The following ADGRL1 variants were observed in gnomAD, a reference collection of about 807,000 sequenced individuals.
ADGRL1 encodes the protein CIRL-1.
A neutral mutation model predicts 148.9 loss-of-function variants in ADGRL1; 31 were observed. The observed-to-expected ratio is 0.21, with a 90% CI of 0.16 to 0.28. The LOEUF is 0.28. Among genes scored for constraint, ADGRL1 ranks in the 10% least tolerant of loss-of-function variants. The pLI is 1.00. For missense variants in ADGRL1, 1,521 were observed against 2,058.8 expected (o/e 0.74, Z 5.05); for synonymous variants, 937 against 900.3 (o/e 1.04, Z -0.73).
rs1371491813 is a variant in ADGRL1, at chr19:14,161,716, C to A, written c.1196-90G>T. On this transcript the variant is annotated intron_variant, in intron 5 of 22. Transcript: ENST00000361434. The surrounding 1 kb of genome is among the most constrained non-coding windows in gnomAD (Gnocchi z 4.4). ...AGGGGGTCCCAGGCCATCTTAGCAT[C>A]TTCCTCATCTACTGAAGTGGAAACA... The A allele has an allele frequency of 4.3e-6, 4 of 922,646 alleles. No individual in the cohort carries two copies. The highest frequency in any genetic ancestry group is 3.8e-5 in the Admixed American group (1 of 26,298). 57.2% of individuals were successfully genotyped at this position (922,646 alleles called of 1,614,324 possible). A position where few individuals can be genotyped will look rare whatever the true frequency, so the allele number is the denominator to read the frequency against.
chr19:14,188,737 G>T (rs191409186), intron 1 of ADGRL1, among the ~76,000 whole-genome samples: 1 of 152,178 alleles, frequency 6.6e-6, no homozygotes, highest in African/African-American at 2.4e-5. Flanking sequence ...CTTTGCCTCC[G>T]ACGTCCAGGC....
chr19:14,157,590 C>T lies in ADGRL1; in HGVS notation c.2536-130G>A. ...AGGACCTCTGGTGCCGCCAACCTGG[C>T]AGCCCTCACCCCTCTGCACGCAGCA... On this transcript the variant is annotated intron_variant, in intron 13 of 22. Transcript: ENST00000361434. The surrounding 1 kb of genome is among the most constrained non-coding windows in gnomAD (Gnocchi z 7.5). The T allele has an allele frequency of 1.1e-6, 1 of 893,824 alleles. No homozygotes were observed. 55.4% of individuals were successfully genotyped at this position (893,824 alleles called of 1,614,324 possible). A position where few individuals can be genotyped will look rare whatever the true frequency, so the allele number is the denominator to read the frequency against.
chr19:14,197,936 C>T (rs191748627), intron 1 of ADGRL1, among the ~76,000 whole-genome samples: 96 of 152,260 alleles, frequency 6.3e-4, no homozygotes, highest in African/African-American at 2.2e-3. Context: ...GGAAGGTGTG[C>T]TTGACAGGGG....
At position 14,158,625 on chromosome 19, in the gene ADGRL1, C is replaced by G. The variant is rs1969015570; in HGVS notation, c.2150-73G>C. 4 of 1,205,340 alleles carry G rather than the reference C, an allele frequency of 3.3e-6. No individual in the cohort carries two copies. In the South Asian group the frequency reaches 5.3e-5, roughly 16 times the overall value. 74.7% of individuals were successfully genotyped at this position (1,205,340 alleles called of 1,614,324 possible). A position where few individuals can be genotyped will look rare whatever the true frequency, so the allele number is the denominator to read the frequency against. ...CACCTCCATCCAGGCCCCTGGCTTC[C>G]CAGCTCAGCCAGCTCCTCAGCCCTT... On this transcript the variant is annotated intron_variant, in intron 11 of 22. Transcript: ENST00000361434.
In ADGRL1 at chr19:14,161,589, TGTG is replaced by T. The variant is rs778754423; in HGVS notation, c.1230_1232del (p.Thr411del). ...TGCTGGTGAGGGGCGTGGGCCTGGC[TGTG>T]GTGGTCGTGCTGAGGGGTGGGGAAG... On this transcript the variant is annotated inframe_deletion, in exon 6 of 23. Transcript: ENST00000361434. This position sits in a 1 kb window ranked among gnomAD's most constrained non-coding sequence, Gnocchi z 4.4. 26 of 1,433,204 alleles carry T rather than the reference TGTG, an allele frequency of 1.8e-5. No homozygotes were observed. Among genetic ancestry groups the T allele is most frequent in the Non-Finnish European group, 2.2e-5 (24 of 1,097,032 alleles). 88.8% of individuals were successfully genotyped at this position (1,433,204 alleles called of 1,614,324 possible).
Position 14,160,140 on chromosome 19 carries a change from C to T in ADGRL1, c.1772G>A (p.Arg591His), listed in dbSNP as rs1202804312. The change falls in exon 8 of 23, where the codon CGC becomes CAC. Residue 591 changes from arginine to histidine, a missense_variant. Transcript: ENST00000361434. This position sits in a 1 kb window ranked among gnomAD's most constrained non-coding sequence, Gnocchi z 5.9. ...GTTGTAGTTCTTGCCGGCTGACTCG[C>T]GCTCGATGGGCCGCAGGGCCTGCAG... ...AQLQALRPIERESAGKNYNKM... is the reference protein window; with the variant it reads ...AQLQALRPIEHESAGKNYNKM... 9 of 1,589,224 alleles carry T rather than the reference C, an allele frequency of 5.7e-6. No individual in the cohort carries two copies. The highest frequency in any genetic ancestry group is 4.4e-5 in the South Asian group (4 of 90,476).
chr19:14,166,097 C>T (rs977476215), intron 4 of ADGRL1, among the ~76,000 whole-genome samples: 1 of 152,042 alleles, frequency 6.6e-6, no homozygotes, highest in Non-Finnish European at 1.5e-5. Context: ...AGACTGTGCC[C>T]CCGCCGCCCG....
At chr19:14,177,023 AGTTCG>A (rs1599469237) in intron 3 of ADGRL1, among the ~76,000 whole-genome samples, 1 of 151,762 alleles carries the variant, frequency 6.6e-6, no homozygotes, top group East Asian at 1.9e-4. Context: ...TGAGGTCAGG[AGTTCG>A]AGACCTGCCT....
intron 3 of ADGRL1, among the ~76,000 whole-genome samples, chr19:14,175,984 G>A (rs1421663234): frequency 1.3e-5 from 2 of 151,820 alleles, no homozygotes; most frequent in African/African-American, 4.8e-5. Context: ...AACCCTGGAG[G>A]TGGAGGTTGC....
At chr19:14,156,876 C>CA in intron 15 of ADGRL1, 49 bp downstream of exon 15, 1 of 1,591,962 alleles carries the variant, frequency 6.3e-7, no homozygotes, top group Non-Finnish European at 8.6e-7. Flanking sequence ...GGGTGCCGCC[C>CA]AGCAGGGAAC....
In ADGRL1 at chr19:14,181,653, G is replaced by A. The variant is rs533279037; in HGVS notation, c.70+1880C>T. Among the ~76,000 whole-genome samples the A allele has an allele frequency of 7.2e-5, 11 of 152,158 alleles. No homozygotes were observed. The South Asian group carries it at 2.3e-3, about 32-fold the overall frequency. ...GAGAATCGCTTGAACCCGGGAGGCA[G>A]AGGTTGCAGTGAGCCGAGATCACAC... On this transcript the variant is annotated intron_variant, in intron 2 of 22. Transcript: ENST00000361434.
Position 14,152,860 on chromosome 19 carries a change from G to A in ADGRL1, c.3347C>T (p.Ser1116Phe). The change falls in exon 19 of 23, where the codon TCC becomes TTC. Residue 1116 changes from serine to phenylalanine, a missense_variant. Transcript: ENST00000361434. The surrounding 1 kb of genome is among the most constrained non-coding windows in gnomAD (Gnocchi z 6.1). ...CLRHSYCCIR[S>F]PPGGTHGSLK... ...GGATCCGTGAGTGCCCCCGGGTGGG[G>A]AGCGGATGCAGCAGTAGGAGTGACG... The A allele has an allele frequency of 6.2e-7, 1 of 1,614,188 alleles. No individual in the cohort carries two copies.
chr19:14,199,440 C>T (rs1972464776), intron 1 of ADGRL1, among the ~76,000 whole-genome samples: 1 of 150,338 alleles, frequency 6.7e-6, no homozygotes, highest in Admixed American at 6.6e-5. Context: ...TTTTTTTAAT[C>T]GTATTTTTAG....
Position 14,155,689 on chromosome 19 carries a change from GA to G in ADGRL1, c.3126-163del. 15 of 650,650 alleles carry G rather than the reference GA, an allele frequency of 2.3e-5. No individual in the cohort carries two copies. Among genetic ancestry groups the G allele is most frequent in the Middle Eastern group, 4.3e-4 (1 of 2,348 alleles). The allele number at this position is 650,650 out of a possible 1,614,324, so 40.3% of individuals were successfully genotyped here. On this transcript the variant is annotated intron_variant, in intron 17 of 22. Coordinates refer to ENST00000361434, the MANE Select transcript of ADGRL1 (RefSeq NM_014921.5). This position sits in a 1 kb window ranked among gnomAD's most constrained non-coding sequence, Gnocchi z 5.0. Reference sequence around the variant, plus strand: ...GCCTTGGGGGCAGTGGCCTGCCCAGGACACCTCCACCGGAGCCTGGGCCTGA... The same window carrying G: ...GCCTTGGGGGCAGTGGCCTGCCCAGGCACCTCCACCGGAGCCTGGGCCTGA...
At chr19:14,184,099 T>C (rs1971408851) in intron 1 of ADGRL1, among the ~76,000 whole-genome samples, 1 of 152,148 alleles carries the variant, frequency 6.6e-6, no homozygotes, top group South Asian at 2.1e-4. Context: ...GAGGGACTCA[T>C]TGCAACCCAA....
rs761036639 is a variant in ADGRL1, at chr19:14,151,571, G to A, written c.3712C>T (p.Pro1238Ser). ...CTGTTATTGAAGTTGCCGTTCAGGG[G>A]CAGGGTGTCCATGCCACAGGCTTCC... ...GREACGMDTLPLNGNFNNSYS... is the reference protein window; with the variant it reads ...GREACGMDTLSLNGNFNNSYS... Residue 1238 changes from proline to serine, a missense_variant, in exon 23 of 23, where the codon CCC becomes TCC. Around this residue, in one of 8 missense-constraint regions of ADGRL1, gnomAD observed 390 missense variants for 375.0 expected, o/e 1.04. Transcript: ENST00000361434. The A allele has an allele frequency of 1.2e-6, 2 of 1,609,222 alleles. No individual in the cohort carries two copies. The highest frequency in any genetic ancestry group is 1.1e-5 in the South Asian group (1 of 90,832).
At chr19:14,156,085 G>C (rs1368300861) in intron 17 of ADGRL1, 25 bp downstream of exon 17, 1 of 1,582,898 alleles carries the variant, frequency 6.3e-7, no homozygotes, top group Non-Finnish European at 8.6e-7. Context: ...TGATGGGGCA[G>C]GGGGCAGGCA....
intron 1 of ADGRL1, among the ~76,000 whole-genome samples, chr19:14,204,138 G>T (rs1311885515): frequency 6.6e-6 from 1 of 152,156 alleles, no homozygotes; most frequent in African/African-American, 2.4e-5. Context: ...GTTCTGAACG[G>T]CATGGCAGAC....
rs776994937 is a variant in ADGRL1 at position 14,159,813 on chromosome 19, G to A, written c.1801-40C>T. 1 of 1,575,426 alleles carries A rather than the reference G, an allele frequency of 6.3e-7. No homozygotes were observed. The highest frequency in any genetic ancestry group is 8.7e-7 in the Non-Finnish European group (1 of 1,145,268). On this transcript the variant is annotated intron_variant, in intron 8 of 22. Transcript: ENST00000361434. This position sits in a 1 kb window ranked among gnomAD's most constrained non-coding sequence, Gnocchi z 6.0. ...AGGTGATGTCAGGCCAGGCCTCTGG[G>A]TGCCGGTTCCCTCACCCTAATACTG...
Sources: gnomAD v4.1 joint callset for allele counts (sites outside exome capture counted in the v4.1 genomes callset) on GRCh38, gnomAD v4.1.1 for gene constraint, gnomAD v4.1.1 regional missense constraint, Gnocchi (gnomAD v3.1) non-coding constraint, MANE v1.5 for transcripts, NCBI Gene and HGNC (gene_info 2026-07-23, HGNC 2026-07-21) for gene names.